ABL2: variants seen among roughly 807,000 people sequenced by gnomAD.
ABL2 encodes ABL proto-oncogene 2, non-receptor tyrosine kinase.
In ABL2, 49 loss-of-function variants were observed where a neutral mutation model predicts 107.7. That is an observed-to-expected ratio of 0.45 (90% CI 0.36 to 0.58). The LOEUF (loss-of-function observed/expected upper bound fraction) is 0.58, where lower values mean the gene tolerates loss of function less well. Ranked by LOEUF, ABL2 falls within the 20% of genes least tolerant of loss-of-function variation. ABL2 has a pLI of 0.00. For missense variants in ABL2, 1,245 were observed against 1,457.0 expected (o/e 0.85, Z 2.37); for synonymous variants, 549 against 548.6 (o/e 1.00, Z -0.01).
At chr1:179,137,020 C>T (rs993994986) in intron 1 of ABL2, among the ~76,000 whole-genome samples, 1 of 151,610 alleles carries the variant, frequency 6.6e-6, no homozygotes, top group Non-Finnish European at 1.5e-5. Context: ...TTCATATTCC[C>T]TTCTCTCAAA....
At chr1:179,172,869 A>G (rs910188877) in intron 1 of ABL2, among the ~76,000 whole-genome samples, 1 of 152,242 alleles carries the variant, frequency 6.6e-6, no homozygotes, top group Admixed American at 6.5e-5. Flanking sequence ...AGATACAGTA[A>G]GCCCTGAGTA....
intron 1 of ABL2, among the ~76,000 whole-genome samples, chr1:179,165,170 A>G (rs1036546402): frequency 6.6e-6 from 1 of 152,224 alleles, no homozygotes; most frequent in Non-Finnish European, 1.5e-5. Flanking sequence ...TTATAAATGC[A>G]TAACTATAAT....
intron 4 of ABL2, among the ~76,000 whole-genome samples, chr1:179,123,793 C>A (rs1402554044): frequency 3.9e-5 from 6 of 152,058 alleles, no homozygotes; most frequent in Admixed American, 2.0e-4. Flanking sequence ...CCATGCCCAG[C>A]TAATTTTTAA....
chr1:179,143,212 G>T, intron 1 of ABL2: 1 of 961,412 alleles, frequency 1.0e-6, no homozygotes, highest in Non-Finnish European at 1.4e-6. Flanking sequence ...AGTGGGTGGA[G>T]AGTGACCTAA....
rs1236216088 is a variant in ABL2 at position 179,212,623 on chromosome 1, C to T, written c.157+16618G>A. Among the ~76,000 whole-genome samples, 5 of 151,650 alleles carry T rather than the reference C, an allele frequency of 3.3e-5. No individual in the cohort carries two copies. In the East Asian group the frequency reaches 5.8e-4, roughly 18 times the overall value. On this transcript the variant is annotated intron_variant, in intron 1 of 11. Transcript: ENST00000502732. ...TGGCAAATGCCTGTAATCCCAGCTA[C>T]GCGGGAGGCTGAGGCAGGAGAATTG...
chr1:179,136,734 A>AAATAAATAAAT (rs1227746096), intron 1 of ABL2, among the ~76,000 whole-genome samples: 1 of 146,590 alleles, frequency 6.8e-6, no homozygotes, highest in Non-Finnish European at 1.5e-5. Context: ...ATAAATAAAT[A>AAATAAATAAAT]AATAAATAAA....
chr1:179,133,687 A>G (rs1158322122), intron 1 of ABL2, among the ~76,000 whole-genome samples: 2 of 152,182 alleles, frequency 1.3e-5, no homozygotes, highest in African/African-American at 4.8e-5. Context: ...CCCCTTATCC[A>G]TGAGGAATAT....
At chr1:179,181,772 T>TTTTTA (rs747125826) in intron 1 of ABL2, among the ~76,000 whole-genome samples, 2 of 151,876 alleles carry the variant, frequency 1.3e-5, no homozygotes, top group East Asian at 1.9e-4. Context: ...CTTTTTTTAA[T>TTTTTA]TTTTATTTTA....
chr1:179,223,018 G>A (rs1188799061), intron 1 of ABL2, among the ~76,000 whole-genome samples: 1 of 150,624 alleles, frequency 6.6e-6, no homozygotes, highest in Non-Finnish European at 1.5e-5. Context: ...GCTGAGGCAG[G>A]TGAATTGCTT....
At chr1:179,153,687 A>T (rs1391211495) in intron 1 of ABL2, among the ~76,000 whole-genome samples, 1 of 151,968 alleles carries the variant, frequency 6.6e-6, no homozygotes, top group Non-Finnish European at 1.5e-5. Flanking sequence ...CCCACCTGCA[A>T]CTTTATTTTT....
Position 179,172,877 on chromosome 1 carries a change from G to A in ABL2, c.158-39503C>T, listed in dbSNP as rs543472008. ...AAAACATAGATACAGTAAGCCCTGA[G>A]TATTTATAAACTATTAAAAATCATA... On this transcript the variant is annotated intron_variant, in intron 1 of 11. Transcript: ENST00000502732. Among the ~76,000 whole-genome samples, 17 of 152,260 alleles carry A rather than the reference G, an allele frequency of 1.1e-4. 1 individual carries two copies. In the South Asian group the frequency reaches 2.9e-3, roughly 26 times the overall value.
chr1:179,133,496 C>A, intron 1 of ABL2, 122 bp from the exon 2 acceptor site: 1 of 1,509,114 alleles, frequency 6.6e-7, no homozygotes, highest in Non-Finnish European at 9.1e-7. Context: ...CTACCTACTT[C>A]TCCAGCTTCG....
At chr1:179,141,134 A>AG (rs1382713586) in intron 1 of ABL2, among the ~76,000 whole-genome samples, 2 of 151,768 alleles carry the variant, frequency 1.3e-5, no homozygotes, top group African/African-American at 4.8e-5. Context: ...AAAAAAAAAA[A>AG]AAATTAAGTA....
At chr1:179,178,550 G>C (rs1161250245) in intron 1 of ABL2, among the ~76,000 whole-genome samples, 1 of 152,040 alleles carries the variant, frequency 6.6e-6, no homozygotes, top group African/African-American at 2.4e-5. Context: ...TAGGAACAGA[G>C]AGAATAAAAA....
At chr1:179,182,892 T>C (rs1660459828) in intron 1 of ABL2, among the ~76,000 whole-genome samples, 1 of 152,152 alleles carries the variant, frequency 6.6e-6, no homozygotes, top group South Asian at 2.1e-4. Context: ...TATGGAATAT[T>C]TTAGGATACT....
intron 2 of ABL2, among the ~76,000 whole-genome samples, chr1:179,131,883 T>G (rs1572664153): frequency 6.6e-6 from 1 of 152,358 alleles, no homozygotes; most frequent in East Asian, 1.9e-4. Flanking sequence ...AAGAAATGAT[T>G]GTAAGTTTCT....
intron 1 of ABL2, among the ~76,000 whole-genome samples, chr1:179,227,380 C>A (rs981906383): frequency 6.6e-6 from 1 of 152,206 alleles, no homozygotes; most frequent in African/African-American, 2.4e-5. Flanking sequence ...TGTCTCCTCA[C>A]TAGCCCATCA....
Position 179,142,902 on chromosome 1 carries a change from C to G in ABL2, c.158-9528G>C, listed in dbSNP as rs1436820087. 2.5e-6 allele frequency: 4 copies of G among 1,605,750 alleles called. No homozygotes were observed. In the South Asian group the frequency reaches 4.5e-5, roughly 18 times the overall value. On this transcript the variant is annotated intron_variant, in intron 1 of 11. Transcript: ENST00000502732. ...ACACTTGATTAATGTGGTTATCAAGCCTCCCTGAAACTATCAACTCTGAAC... is the reference window on the plus strand; with the variant it reads ...ACACTTGATTAATGTGGTTATCAAGGCTCCCTGAAACTATCAACTCTGAAC...
rs535204533 is a variant in ABL2 at position 179,131,455 on chromosome 1, C to G, written c.247G>C (p.Asp83His). ...TCATTTAGTGCCTGGGGTTCAACAT[C>G]ACAACCATAGGGACGATGCAAAGCT... ...PEALHRPYGC[D>H]VEPQALNEAI... Residue 83 changes from aspartate to histidine, a missense_variant, in exon 3 of 12, where the codon GAT (aspartate) becomes CAT (histidine). Transcript: ENST00000502732. 2.5e-5 allele frequency: 41 copies of G among 1,613,942 alleles called. No homozygotes were observed. The highest frequency in any genetic ancestry group is 3.5e-5 in the Non-Finnish European group (41 of 1,179,964).
Sources: gnomAD v4.1 joint callset for allele counts (sites outside exome capture counted in the v4.1 genomes callset) on GRCh38, gnomAD v4.1.1 for gene constraint, MANE v1.5 for transcripts, NCBI Gene and HGNC (gene_info 2026-07-23, HGNC 2026-07-21) for gene names.